PROS1: variants seen among roughly 807,000 people sequenced by gnomAD.
The protein encoded by PROS1 is vitamin K-dependent protein S.
In PROS1, 29 loss-of-function variants were observed where a neutral mutation model predicts 75.9. The observed-to-expected ratio is 0.38, with a 90% confidence interval of 0.28 to 0.52. The LOEUF (loss-of-function observed/expected upper bound fraction) is 0.52, where lower values mean the gene tolerates loss of function less well. PROS1 is among the 20% of genes least tolerant of loss of function. The pLI is 0.83. For missense variants in PROS1, 680 were observed against 810.3 expected (o/e 0.84, Z 1.95); for synonymous variants, 245 against 280.6 (o/e 0.87, Z 1.27).
At chr3:93,905,451 C>T (rs1301125076) in intron 6 of PROS1, among the ~76,000 whole-genome samples, 5 of 151,984 alleles carry the variant, frequency 3.3e-5, no homozygotes, top group Non-Finnish European at 7.4e-5. Flanking sequence ...AAATACAAAA[C>T]AAAACTAGCT....
chr3:93,894,151 C>A (rs1362400333), intron 9 of PROS1, among the ~76,000 whole-genome samples: 1 of 152,076 alleles, frequency 6.6e-6, no homozygotes, highest in Non-Finnish European at 1.5e-5. Context: ...TTAGGCAGGA[C>A]AGAATCCCAC....
At chr3:93,958,444 A>G (rs902253388) in intron 1 of PROS1, 2 of 152,242 alleles carry the variant, frequency 1.3e-5, no homozygotes, top group Non-Finnish European at 2.9e-5. Flanking sequence ...AACATCTGTC[A>G]AAACCTCTGC....
At chr3:93,908,745 G>A (rs368202458) in intron 4 of PROS1, among the ~76,000 whole-genome samples, 3 of 152,130 alleles carry the variant, frequency 2.0e-5, no homozygotes, top group Non-Finnish European at 2.9e-5. Flanking sequence ...TTAAGCTAAC[G>A]GCTACTCCAG....
intron 1 of PROS1, among the ~76,000 whole-genome samples, chr3:93,958,264 CT>C (rs977932487): frequency 6.6e-6 from 1 of 152,016 alleles, no homozygotes; most frequent in Non-Finnish European, 1.5e-5. Context: ...AGGGTCAAGA[CT>C]TTTTTTCATC....
chr3:93,897,869 T>C (rs1403201787), intron 8 of PROS1, among the ~76,000 whole-genome samples: 1 of 152,050 alleles, frequency 6.6e-6, no homozygotes, highest in Non-Finnish European at 1.5e-5. Flanking sequence ...ATGCATTAAA[T>C]CTAAGTAATT....
intron 1 of PROS1, among the ~76,000 whole-genome samples, chr3:93,971,011 TA>T (rs1709872052): frequency 6.6e-6 from 1 of 151,592 alleles, no homozygotes; most frequent in Non-Finnish European, 1.5e-5. Context: ...ATCACAAAAA[TA>T]TTTTTTTAAT....
At chr3:93,924,827 T>C (rs1260938556) in intron 2 of PROS1, among the ~76,000 whole-genome samples, 1 of 152,006 alleles carries the variant, frequency 6.6e-6, no homozygotes, top group African/African-American at 2.4e-5. Flanking sequence ...CATGCACAGC[T>C]GGTTTTTTGT....
intron 8 of PROS1, 127 bp downstream of exon 8, chr3:93,898,321 C>T (rs1021780355): frequency 9.0e-7 from 1 of 1,108,642 alleles, no homozygotes; most frequent in African/African-American, 1.6e-5. Context: ...TGACTCATAA[C>T]CTGCTTAAAG....
chr3:93,910,599 T>C lies in PROS1; in HGVS notation c.346+20A>G, dbSNP rs777881680. ...CAGAGTTTTTGTTTTGTTTTTTCAA[T>C]TGATGGTAGAAGTGCTTACCATTGA... is the stretch of plus-strand genomic sequence containing the variant. On this transcript the variant is annotated intron_variant, in intron 4 of 14. Coordinates refer to ENST00000394236, the MANE Select transcript of PROS1 (RefSeq NM_000313.4). 19 of 1,591,948 alleles carry C rather than the reference T, an allele frequency of 1.2e-5. No homozygotes were observed. In the East Asian group the frequency reaches 3.8e-4, roughly 32 times the overall value.
At chr3:93,940,451 T>A (rs1391665934) in intron 1 of PROS1, among the ~76,000 whole-genome samples, 1 of 152,198 alleles carries the variant, frequency 6.6e-6, no homozygotes, top group Non-Finnish European at 1.5e-5. Flanking sequence ...CCATAACTGT[T>A]GTGGGTACTG....
intron 10 of PROS1, among the ~76,000 whole-genome samples, chr3:93,887,372 T>C (rs1708365199): frequency 1.3e-5 from 2 of 152,184 alleles, no homozygotes; most frequent in Admixed American, 1.3e-4. Context: ...GAGAGTTGTT[T>C]GGGTTTTTAA....
chr3:93,943,269 G>C (rs1709319096), intron 1 of PROS1, among the ~76,000 whole-genome samples: 1 of 152,084 alleles, frequency 6.6e-6, no homozygotes, highest in African/African-American at 2.4e-5. Context: ...GTCAAGGATA[G>C]AGCCCAAAAA....
At chr3:93,958,155 A>G (rs940196557) in intron 1 of PROS1, among the ~76,000 whole-genome samples, 1 of 152,082 alleles carries the variant, frequency 6.6e-6, no homozygotes, top group Non-Finnish European at 1.5e-5. Context: ...CCCCTAAATT[A>G]TTATTTTTAC....
At chr3:93,956,927 C>G (rs1239667978) in intron 1 of PROS1, among the ~76,000 whole-genome samples, 1 of 151,898 alleles carries the variant, frequency 6.6e-6, no homozygotes, top group Non-Finnish European at 1.5e-5. Flanking sequence ...AATATGTATC[C>G]CAAACCTTCA....
chr3:93,909,935 T>C (rs1245247526), intron 4 of PROS1, among the ~76,000 whole-genome samples: 2 of 152,172 alleles, frequency 1.3e-5, no homozygotes, highest in Non-Finnish European at 2.9e-5. Flanking sequence ...AGATAAAGCA[T>C]GAATTAAATC....
intron 1 of PROS1, among the ~76,000 whole-genome samples, chr3:93,963,965 G>T (rs189545494): frequency 3.3e-5 from 5 of 152,322 alleles, no homozygotes; most frequent in African/African-American, 1.2e-4. Flanking sequence ...AGCCACAGCA[G>T]AGGAACATGA....
At chr3:93,943,598 C>A (rs1041639820) in intron 1 of PROS1, among the ~76,000 whole-genome samples, 1 of 152,162 alleles carries the variant, frequency 6.6e-6, no homozygotes, top group Non-Finnish European at 1.5e-5. Context: ...ATTATCTCTC[C>A]ATACCACCCC....
intron 13 of PROS1, among the ~76,000 whole-genome samples, chr3:93,877,712 G>A (rs1448701669): frequency 6.6e-6 from 1 of 152,228 alleles, no homozygotes; most frequent in East Asian, 1.9e-4. Context: ...CCACCAGCAC[G>A]TTATAGAACA....
chr3:93,929,380 G>C (rs1709072195), intron 1 of PROS1, among the ~76,000 whole-genome samples: 2 of 151,980 alleles, frequency 1.3e-5, no homozygotes, highest in African/African-American at 2.4e-5. Flanking sequence ...TCAGGAGGCT[G>C]AGGCAGGAGG....
Sources: gnomAD v4.1 joint callset for allele counts (sites outside exome capture counted in the v4.1 genomes callset) on GRCh38, gnomAD v4.1.1 for gene constraint, MANE v1.5 for transcripts, NCBI Gene and HGNC (gene_info 2026-07-23, HGNC 2026-07-21) for gene names.